Variants in TMTC1 observed in about 807,000 individuals in gnomAD.
The protein encoded by TMTC1 is protein O-mannosyl-transferase TMTC1.
In TMTC1, 73 loss-of-function variants were observed where a neutral mutation model predicts 104.8. The ratio of observed to expected loss-of-function variants is 0.70; its 90% confidence interval spans 0.58 to 0.85. TMTC1 has a LOEUF of 0.85. Ranked by LOEUF, TMTC1 falls within the 40% of genes least tolerant of loss-of-function variation. TMTC1 has a pLI of 0.00. For missense variants in TMTC1, 1,035 were observed against 1,096.1 expected, an observed-to-expected ratio of 0.94 and a Z score of 0.79; for synonymous variants, 434 against 428.7, an observed-to-expected ratio of 1.01 and a Z score of -0.15.
chr12:29,542,895 G>A (rs146291306), intron 10 of TMTC1, among the ~76,000 whole-genome samples: 41 of 152,126 alleles, frequency 2.7e-4, no homozygotes, highest in African/African-American at 9.2e-4. Flanking sequence ...TCTCATAGGG[G>A]CTGTATTGTG....
rs550284508 is a variant in TMTC1, at chr12:29,596,976, T to C, written c.1250+7202A>G. On this transcript the variant is annotated intron_variant, in intron 7 of 17. Transcript: ENST00000539277. ...CTGACTGTGGTCTGAGGCCCCTGCT[T>C]AGATATTAGGCTTCAGCTCAGTTCC... Among the ~76,000 whole-genome samples the C allele has an allele frequency of 3.9e-5, 6 of 152,300 alleles. No individual in the cohort carries two copies. In the South Asian group the frequency reaches 1.2e-3, roughly 32 times the overall value.
intron 6 of TMTC1, among the ~76,000 whole-genome samples, chr12:29,606,511 G>A (rs1222415346): frequency 6.6e-6 from 1 of 152,116 alleles, no homozygotes; most frequent in East Asian, 1.9e-4. Flanking sequence ...CTTTTTATAG[G>A]TGCACTTTTA....
At chr12:29,567,008 G>A (rs1224976694) in intron 9 of TMTC1, among the ~76,000 whole-genome samples, 1 of 152,200 alleles carries the variant, frequency 6.6e-6, no homozygotes, top group Non-Finnish European at 1.5e-5. Flanking sequence ...GCCTCCCCAA[G>A]GCTAGACTCC....
At chr12:29,726,030 G>GCT (rs1393533116) in intron 5 of TMTC1, among the ~76,000 whole-genome samples, 1 of 152,182 alleles carries the variant, frequency 6.6e-6, no homozygotes, top group Non-Finnish European at 1.5e-5. Context: ...CCTAAGCCCA[G>GCT]GATTCCACAG....
chr12:29,744,686 G>T (rs1942907025), intron 5 of TMTC1, among the ~76,000 whole-genome samples: 1 of 152,008 alleles, frequency 6.6e-6, no homozygotes, highest in Non-Finnish European at 1.5e-5. Context: ...AACAGTAACA[G>T]AAAAATCAAA....
chr12:29,613,339 C>T, intron 6 of TMTC1, among the ~76,000 whole-genome samples: 1 of 152,178 alleles, frequency 6.6e-6, no homozygotes, highest in East Asian at 1.9e-4. Context: ...AGATGGGTGC[C>T]TGTGAGAATC....
intron 1 of TMTC1, among the ~76,000 whole-genome samples, chr12:29,781,595 G>A (rs1158587097): frequency 6.6e-6 from 1 of 152,202 alleles, no homozygotes; most frequent in Non-Finnish European, 1.5e-5. Flanking sequence ...GGGAGGCTGA[G>A]GCTTAAAGAT....
In TMTC1 at chr12:29,604,258, C is replaced by G; in HGVS notation, c.1170G>C (p.Leu390=). The G allele has an allele frequency of 6.2e-7, 1 of 1,613,946 alleles. No homozygotes were observed. The highest frequency in any genetic ancestry group is 8.5e-7 in the Non-Finnish European group (1 of 1,179,868). The change falls in exon 7 of 18, where the codon CTG becomes CTC. Residue 390 remains leucine (L), a synonymous_variant. Coordinates refer to ENST00000539277, the MANE Select transcript of TMTC1 (RefSeq NM_001193451.2). The part of the protein sequence containing the change: ...HKEVLVGLLF[L]VFPFIPASNL... ...TGCTGGCTGGAATGAACGGGAACAC[C>G]AGGAACAACAAGCCGACTAAAACCT...
At chr12:29,645,876 C>T (rs1043630910) in intron 5 of TMTC1, among the ~76,000 whole-genome samples, 2 of 152,122 alleles carry the variant, frequency 1.3e-5, no homozygotes, top group African/African-American at 4.8e-5. Flanking sequence ...GTTTACAAAG[C>T]ATTTGTGTAT....
intron 2 of TMTC1, among the ~76,000 whole-genome samples, chr12:29,767,439 G>A (rs1035945140): frequency 6.6e-6 from 1 of 152,174 alleles, no homozygotes; most frequent in Admixed American, 6.5e-5. Context: ...ATAGCAGGGT[G>A]AGAAAAGATA....
In TMTC1 at chr12:29,501,910, T is replaced by C. The variant is rs996397314; in HGVS notation, c.*4936A>G. ...TAAACCATACTTTTGATTGCAGTTATTTTCTGTTCTCTTTAAATTACATGG... is the reference window on the plus strand; with the variant it reads ...TAAACCATACTTTTGATTGCAGTTACTTTCTGTTCTCTTTAAATTACATGG... On this transcript the variant is annotated 3_prime_UTR_variant, in exon 18 of 18. Coordinates refer to ENST00000539277, the MANE Select transcript of TMTC1 (RefSeq NM_001193451.2). 2 of 152,232 alleles carry C rather than the reference T, an allele frequency of 1.3e-5. No individual in the cohort carries two copies. Among genetic ancestry groups the C allele is most frequent in the Non-Finnish European group, 2.9e-5 (2 of 68,040 alleles). The allele number at this position is 152,232 out of a possible 1,614,324, so 9.4% of individuals were successfully genotyped here.
At chr12:29,760,911 AT>A in intron 2 of TMTC1, among the ~76,000 whole-genome samples, 1 of 148,038 alleles carries the variant, frequency 6.8e-6, no homozygotes, top group East Asian at 2.0e-4. Context: ...TGCATATATT[AT>A]ATTTTCTATA....
Position 29,783,326 on chromosome 12 carries a change from G to A in TMTC1, c.302+124C>T, listed in dbSNP as rs1186445839. 7.3e-6 allele frequency: 6 copies of A among 821,044 alleles called. No homozygotes were observed. Among genetic ancestry groups the A allele is most frequent in the Non-Finnish European group, 3.3e-6 (2 of 608,292 alleles). 50.9% of individuals were successfully genotyped at this position (821,044 alleles called of 1,614,324 possible). A position where few individuals can be genotyped will look rare whatever the true frequency, so the allele number is the denominator to read the frequency against. On this transcript the variant is annotated intron_variant, in intron 1 of 17. Coordinates refer to ENST00000539277, the MANE Select transcript of TMTC1 (RefSeq NM_001193451.2). This position sits in a 1 kb window ranked among gnomAD's most constrained non-coding sequence, Gnocchi z 4.7. ...CCATGCACATCCTGGAGAGGAGGGA[G>A]GCGTGGAGGGAAAGGGCGGCAAAAA...
intron 1 of TMTC1, among the ~76,000 whole-genome samples, chr12:29,777,447 A>G (rs930181320): frequency 2.0e-5 from 3 of 152,194 alleles, no homozygotes; most frequent in African/African-American, 7.2e-5. Context: ...TAGGAAAAAT[A>G]TGAATGTAGC....
chr12:29,662,837 G>A (rs1021607274), intron 5 of TMTC1, among the ~76,000 whole-genome samples: 30 of 152,228 alleles, frequency 2.0e-4, no homozygotes, highest in Middle Eastern at 3.4e-3. Context: ...AGATCTGGCC[G>A]TTCAAGTATT....
At chr12:29,545,629 T>TCTCACACACACACA (rs1333007328) in intron 10 of TMTC1, among the ~76,000 whole-genome samples, 5 of 73,530 alleles carry the variant, frequency 6.8e-5, no homozygotes, top group African/African-American at 2.9e-4. Context: ...CAAGACTCTG[T>TCTCACACACACACA]CACACACACA....
At chr12:29,671,833 T>G (rs1005675616) in intron 5 of TMTC1, among the ~76,000 whole-genome samples, 2 of 151,988 alleles carry the variant, frequency 1.3e-5, no homozygotes, top group Non-Finnish European at 2.9e-5. Context: ...GAAGGGAAGC[T>G]GCGGGAAAGA....
At chr12:29,623,791 C>A (rs537961826) in intron 6 of TMTC1, among the ~76,000 whole-genome samples, 3 of 150,654 alleles carry the variant, frequency 2.0e-5, no homozygotes, top group Non-Finnish European at 4.4e-5. Context: ...CTAGCCTGGA[C>A]GACAGAGCAA....
chr12:29,772,573 G>A (rs1369886591), intron 1 of TMTC1, among the ~76,000 whole-genome samples: 1 of 152,156 alleles, frequency 6.6e-6, no homozygotes, highest in African/African-American at 2.4e-5. Flanking sequence ...AGATCAGCCT[G>A]ACCCTTTTAG....
Sources: gnomAD v4.1 joint callset for allele counts (sites outside exome capture counted in the v4.1 genomes callset) on GRCh38, gnomAD v4.1.1 for gene constraint, Gnocchi (gnomAD v3.1) non-coding constraint, MANE v1.5 for transcripts, NCBI Gene and HGNC (gene_info 2026-07-23, HGNC 2026-07-21) for gene names.